Variants in PLEKHS1 observed in about 807,000 individuals in gnomAD.
PLEKHS1 encodes the protein pleckstrin homology domain-containing family S member 1.
A neutral mutation model predicts 51.0 loss-of-function variants in PLEKHS1; 55 were observed. The ratio of observed to expected loss-of-function variants is 1.08; its 90% CI spans 0.87 to 1.35. PLEKHS1 has a LOEUF of 1.35. Among genes scored for constraint, PLEKHS1 ranks in the 40% most tolerant of loss-of-function variants. The pLI, the probability that PLEKHS1 is intolerant of heterozygous loss-of-function variation, is 0.00. For synonymous variants in PLEKHS1, 153 were observed against 144.8 expected (o/e 1.06, Z -0.41); for missense variants, 398 against 423.0 (o/e 0.94, Z 0.52).
chr10:113,766,055 T>G (rs1844146747), intron 2 of PLEKHS1, among the ~76,000 whole-genome samples: 1 of 152,254 alleles, frequency 6.6e-6, no homozygotes, highest in African/African-American at 2.4e-5. Flanking sequence ...GCAGGTGCTT[T>G]TGCTCTTGTT....
chr10:113,765,524 T>C (rs1278709344), intron 2 of PLEKHS1: 6 of 625,560 alleles, frequency 9.6e-6, no homozygotes, highest in Non-Finnish European at 1.8e-5. Flanking sequence ...GCCCTTTGGC[T>C]TAGCAGACAA....
chr10:113,761,267 T>G (rs1843913887), intron 2 of PLEKHS1, among the ~76,000 whole-genome samples: 1 of 152,178 alleles, frequency 6.6e-6, no homozygotes, highest in Non-Finnish European at 1.5e-5. Context: ...CAGGGCCCCT[T>G]GGTATTTTTG....
intron 8 of PLEKHS1, 57 bp downstream of exon 8, chr10:113,772,146 C>G: frequency 6.3e-7 from 1 of 1,585,636 alleles, no homozygotes; most frequent in Non-Finnish European, 8.6e-7. Context: ...TACTGAAACC[C>G]TGCCATGCAC....
exon 12 of PLEKHS1, chr10:113,782,414 A>AT (rs1426376930): frequency 6.6e-6 from 1 of 152,064 alleles, no homozygotes; most frequent in African/African-American, 2.4e-5. Flanking sequence ...AGTATTAAAA[A>AT]TTTTTCATTT....
At chr10:113,776,570 G>C (rs1311486485) in intron 11 of PLEKHS1, among the ~76,000 whole-genome samples, 1 of 152,140 alleles carries the variant, frequency 6.6e-6, no homozygotes, top group Non-Finnish European at 1.5e-5. Context: ...GACTGAAACT[G>C]TGGACTCCTC....
At chr10:113,757,723 T>C (rs1383221629) in intron 2 of PLEKHS1, among the ~76,000 whole-genome samples, 1 of 152,236 alleles carries the variant, frequency 6.6e-6, no homozygotes, top group African/African-American at 2.4e-5. Flanking sequence ...CTGTAGCAAG[T>C]GGTGCTGTTT....
chr10:113,772,728 G>A (rs1415543186), intron 8 of PLEKHS1, among the ~76,000 whole-genome samples: 1 of 152,182 alleles, frequency 6.6e-6, no homozygotes, highest in Non-Finnish European at 1.5e-5. Context: ...GTCAAGGAAG[G>A]CTTCTGGGAT....
exon 4 of PLEKHS1, chr10:113,766,699 G>A (rs764162126): frequency 1.2e-6 from 2 of 1,610,734 alleles, no homozygotes; most frequent in Non-Finnish European, 1.7e-6. Flanking sequence ...TCATCACCGA[G>A]GTTCCATTGA....
At chr10:113,779,750 C>A (rs1366807226) in intron 11 of PLEKHS1, among the ~76,000 whole-genome samples, 1 of 152,146 alleles carries the variant, frequency 6.6e-6, no homozygotes, top group Non-Finnish European at 1.5e-5. Context: ...TTGCTGACTG[C>A]AGTTTATCCT....
exon 7 of PLEKHS1, chr10:113,769,822 C>T (rs1373993526): frequency 6.2e-7 from 1 of 1,614,108 alleles, no homozygotes; most frequent in Admixed American, 1.7e-5. Context: ...CCCTCTTCTA[C>T]TCCAGCCCTC....
chr10:113,760,380 G>A (rs1440394559), intron 2 of PLEKHS1, among the ~76,000 whole-genome samples: 1 of 152,174 alleles, frequency 6.6e-6, no homozygotes, highest in Non-Finnish European at 1.5e-5. Flanking sequence ...TGGGCCAGGT[G>A]TGGTGGCTCA....
intron 6 of PLEKHS1, 47 bp downstream of exon 6, chr10:113,768,937 C>G: frequency 7.0e-7 from 1 of 1,419,866 alleles, no homozygotes; most frequent in South Asian, 1.3e-5. Flanking sequence ...GAACACAACC[C>G]TCTTTCAATA....
exon 12 of PLEKHS1, chr10:113,780,753 A>T: frequency 3.8e-6 from 6 of 1,572,234 alleles, no homozygotes; most frequent in Non-Finnish European, 5.2e-6. Context: ...GCCATTAAAA[A>T]GAGCCAGCAG....
chr10:113,779,870 T>C (rs544764543), intron 11 of PLEKHS1, among the ~76,000 whole-genome samples: 302 of 152,342 alleles, frequency 2.0e-3, no homozygotes, highest in Non-Finnish European at 3.3e-3. Context: ...GCAGTATTCA[T>C]CTTCATGATT....
intron 2 of PLEKHS1, among the ~76,000 whole-genome samples, chr10:113,757,619 G>A (rs2419880): frequency 0.14 from 20,880 of 152,242 alleles, 1,527 homozygotes; most frequent in East Asian, 0.22. Flanking sequence ...CAGGCAGGTT[G>A]TTGCTGAAGA....
chr10:113,754,854 C>G (rs766628878), intron 1 of PLEKHS1, among the ~76,000 whole-genome samples: 1 of 152,232 alleles, frequency 6.6e-6, no homozygotes, highest in Non-Finnish European at 1.5e-5. Flanking sequence ...CTTGGGCTTC[C>G]TCTCAGCCAG....
intron 2 of PLEKHS1, among the ~76,000 whole-genome samples, chr10:113,763,359 A>G (rs1039868268): frequency 2.0e-5 from 3 of 152,146 alleles, no homozygotes; most frequent in Non-Finnish European, 4.4e-5. Context: ...TACAGGCAGC[A>G]TAGAGTTGAG....
At chr10:113,775,009 T>G in exon 10 of PLEKHS1, 1 of 1,614,106 alleles carries the variant, frequency 6.2e-7, no homozygotes, top group East Asian at 2.2e-5. Flanking sequence ...CCTCACTAAC[T>G]GTTGTGCAAT....
chr10:113,777,281 T>C (rs779747761), intron 11 of PLEKHS1, 22 bp downstream of exon 12: 15 of 1,612,204 alleles, frequency 9.3e-6, no homozygotes, highest in Non-Finnish European at 1.1e-5. Flanking sequence ...TGACCAGCCC[T>C]GAACAGGGCA....
Sources: gnomAD v4.1 joint callset for allele counts (sites outside exome capture counted in the v4.1 genomes callset) on GRCh38, gnomAD v4.1.1 for gene constraint, MANE v1.5 for transcripts, NCBI Gene and HGNC (gene_info 2026-07-23, HGNC 2026-07-21) for gene names.